Variants in MAPK10 observed in about 807,000 individuals in gnomAD.
The protein encoded by MAPK10 is mitogen-activated protein kinase 10.
A neutral mutation model predicts 59.3 loss-of-function variants in MAPK10; 25 were observed. The ratio of observed to expected loss-of-function variants is 0.42; its 90% CI spans 0.31 to 0.59. The LOEUF (loss-of-function observed/expected upper bound fraction) is 0.59. Among genes scored for constraint, MAPK10 ranks in the 20% least tolerant of loss-of-function variants. MAPK10 has a pLI of 0.15. For synonymous variants in MAPK10, 190 were observed against 200.5 expected (o/e 0.95, Z 0.44); for missense variants, 351 against 568.9 (o/e 0.62, Z 3.90).
chr4:86,442,039 C>T (rs2149048274), intron 1 of MAPK10, among the ~76,000 whole-genome samples: 1 of 152,270 alleles, frequency 6.6e-6, no homozygotes, highest in Non-Finnish European at 1.5e-5. Context: ...CTAAATTAGC[C>T]TCTGACTCCT....
intron 2 of MAPK10, among the ~76,000 whole-genome samples, chr4:86,280,635 AC>A (rs1334950662): frequency 6.6e-6 from 1 of 152,162 alleles, no homozygotes; most frequent in Non-Finnish European, 1.5e-5. Context: ...CCAAAAAGAC[AC>A]ATACACTCAT....
At chr4:86,571,761 A>G (rs937869600) in intron 1 of MAPK10, among the ~76,000 whole-genome samples, 1 of 152,184 alleles carries the variant, frequency 6.6e-6, no homozygotes, top group Non-Finnish European at 1.5e-5. Flanking sequence ...CTGAAGCCCA[A>G]TAATTGAATT....
intron 1 of MAPK10, among the ~76,000 whole-genome samples, chr4:86,481,429 GAAA>G (rs201596678): frequency 7.5e-6 from 1 of 133,076 alleles, no homozygotes; most frequent in Non-Finnish European, 1.6e-5. Context: ...GAAAGTGGAG[GAAA>G]AAAAAAAAAA....
intron 3 of MAPK10, among the ~76,000 whole-genome samples, chr4:86,174,821 T>A (rs1903361): frequency 0.15 from 22,661 of 152,122 alleles, 1,765 homozygotes; most frequent in African/African-American, 0.2. Context: ...CAGTATGTTC[T>A]TCATTCTATA....
At chr4:86,429,757 A>G (rs953190901) in intron 1 of MAPK10, 1 of 152,000 alleles carries the variant, frequency 6.6e-6, no homozygotes, top group East Asian at 1.9e-4. Flanking sequence ...GAGCTATGAT[A>G]ATGCCACTGC....
chr4:86,230,477 A>C (rs1425425256), intron 2 of MAPK10, among the ~76,000 whole-genome samples: 2 of 152,216 alleles, frequency 1.3e-5, no homozygotes, highest in African/African-American at 4.8e-5. Context: ...TATCTCTTCT[A>C]ATTTTACCTC....
intron 2 of MAPK10, among the ~76,000 whole-genome samples, chr4:86,210,587 T>C (rs561326021): frequency 6.6e-6 from 1 of 152,134 alleles, no homozygotes; most frequent in Admixed American, 6.6e-5. Flanking sequence ...TTTGTATGCA[T>C]TGCATGCCTA....
upstream of MAPK10, among the ~76,000 whole-genome samples, chr4:86,455,935 A>C (rs1199927208): frequency 1.3e-5 from 2 of 152,196 alleles, no homozygotes; most frequent in Non-Finnish European, 2.9e-5. Context: ...AAATTCAAGA[A>C]AATTGAAATT....
chr4:86,462,344 G>A (rs1419602629), intron 1 of MAPK10, among the ~76,000 whole-genome samples: 1 of 152,210 alleles, frequency 6.6e-6, no homozygotes, highest in African/African-American at 2.4e-5. Context: ...AGAGCCAGGA[G>A]AGCCTATAAC....
intron 2 of MAPK10, among the ~76,000 whole-genome samples, chr4:86,291,888 C>T (rs1408242569): frequency 6.6e-6 from 1 of 152,052 alleles, no homozygotes; most frequent in Admixed American, 6.6e-5. Flanking sequence ...TATAACTTTT[C>T]CTGGATAATT....
At chr4:86,092,656 ATAGAT>A (rs1031368599) in intron 9 of MAPK10, among the ~76,000 whole-genome samples, 3 of 152,118 alleles carry the variant, frequency 2.0e-5, no homozygotes, top group East Asian at 1.9e-4. Flanking sequence ...GAAGTTAAGA[ATAGAT>A]TATTTTATGA....
At chr4:86,088,577 A>G (rs1368415266) in intron 9 of MAPK10, among the ~76,000 whole-genome samples, 2 of 152,198 alleles carry the variant, frequency 1.3e-5, no homozygotes, top group Non-Finnish European at 2.9e-5. Context: ...GATATTTTAT[A>G]TAACCATTAT....
chr4:86,432,269 G>GT (rs553921968), intron 1 of MAPK10, among the ~76,000 whole-genome samples: 23 of 152,002 alleles, frequency 1.5e-4, no homozygotes, highest in Admixed American at 1.3e-4. Flanking sequence ...TTGCTTGTTT[G>GT]TTTGTTTTGT....
chr4:86,200,485 T>C (rs1352403380), intron 2 of MAPK10, among the ~76,000 whole-genome samples: 1 of 152,018 alleles, frequency 6.6e-6, no homozygotes, highest in African/African-American at 2.4e-5. Flanking sequence ...CGTTACTGTA[T>C]TTATCAGTAA....
At chr4:86,583,030 T>C (rs564000733) in intron 1 of MAPK10, among the ~76,000 whole-genome samples, 3 of 152,282 alleles carry the variant, frequency 2.0e-5, no homozygotes, top group South Asian at 2.1e-4. Flanking sequence ...GAAAAACTTA[T>C]TGTTACTACA....
At chr4:86,223,794 C>T (rs1362904661) in intron 2 of MAPK10, among the ~76,000 whole-genome samples, 1 of 152,162 alleles carries the variant, frequency 6.6e-6, no homozygotes, top group African/African-American at 2.4e-5. Flanking sequence ...TCACTTTGCC[C>T]CAACCCCCTA....
chr4:86,372,556 G>GA (rs1554253715), intron 1 of MAPK10, among the ~76,000 whole-genome samples: 5 of 11,178 alleles, frequency 4.5e-4, no homozygotes, highest in African/African-American at 9.9e-4. Context: ...AAGAAAGAAA[G>GA]AAAGAAAGAA....
intron 3 of MAPK10, among the ~76,000 whole-genome samples, chr4:86,190,503 T>C (rs1220278709): frequency 1.3e-5 from 2 of 152,176 alleles, no homozygotes; most frequent in Non-Finnish European, 1.5e-5. Flanking sequence ...AATTTAACCA[T>C]TTTTTCTAGA....
At chr4:86,416,160 T>C (rs1055938030) in intron 1 of MAPK10, among the ~76,000 whole-genome samples, 3 of 152,182 alleles carry the variant, frequency 2.0e-5, no homozygotes, top group African/African-American at 7.2e-5. Flanking sequence ...TTAATAGGAC[T>C]GATGTCCTTA....
Sources: allele counts gnomAD v4.1 joint callset (sites outside exome capture counted in the v4.1 genomes callset), GRCh38; gene constraint gnomAD v4.1.1; transcripts MANE v1.5; gene names NCBI Gene and HGNC (gene_info 2026-07-23, HGNC 2026-07-21).